The following RIMS2 variants were observed in gnomAD, a reference collection of about 807,000 sequenced individuals.
RIMS2 encodes the protein regulating synaptic membrane exocytosis protein 2.
In RIMS2, 59 loss-of-function variants were observed where a neutral mutation model predicts 174.4. The observed-to-expected ratio is 0.34, with a 90% CI of 0.27 to 0.42. The LOEUF (loss-of-function observed/expected upper bound fraction) is 0.42. Ranked by LOEUF, RIMS2 falls within the 10% of genes least tolerant of loss-of-function variation. RIMS2 has a pLI of 1.00. For missense variants in RIMS2, 1,620 were observed against 1,666.3 expected (o/e 0.97, Z 0.48); for synonymous variants, 606 against 572.5 (o/e 1.06, Z -0.84).
chr8:103,778,727 C>A (rs2098347979), intron 3 of RIMS2, among the ~76,000 whole-genome samples: 1 of 152,142 alleles, frequency 6.6e-6, no homozygotes, highest in Non-Finnish European at 1.5e-5. Flanking sequence ...GTGCAGATAT[C>A]TCTTTAATAC....
At chr8:103,908,899 A>G (rs1026117334) in intron 4 of RIMS2, among the ~76,000 whole-genome samples, 1 of 152,214 alleles carries the variant, frequency 6.6e-6, no homozygotes, top group Non-Finnish European at 1.5e-5. Context: ...CTTTAATATG[A>G]AATAGAAAGA....
chr8:103,601,254 C>T (rs2094723166), intron 1 of RIMS2, among the ~76,000 whole-genome samples: 2 of 152,206 alleles, frequency 1.3e-5, no homozygotes, highest in Non-Finnish European at 2.9e-5. Flanking sequence ...GTTGCCCATG[C>T]TTATGGTGCA....
At chr8:104,234,104 A>G (rs903596687) in intron 19 of RIMS2, among the ~76,000 whole-genome samples, 5 of 152,120 alleles carry the variant, frequency 3.3e-5, no homozygotes, top group Non-Finnish European at 7.4e-5. Flanking sequence ...TTCTTTTTCA[A>G]CACTATTTAT....
intron 16 of RIMS2, among the ~76,000 whole-genome samples, chr8:103,978,458 C>T (rs1290527529): frequency 7.4e-6 from 1 of 135,890 alleles, no homozygotes; most frequent in African/African-American, 2.5e-5. Context: ...AATATGTAAC[C>T]ACTACTACCA....
chr8:104,252,061 G>A (rs1250418127), downstream of RIMS2: 5 of 533,372 alleles, frequency 9.4e-6, no homozygotes, highest in Non-Finnish European at 1.3e-5. Flanking sequence ...TGACACTCGA[G>A]TTCTGGTCCA....
rs566685451 is a variant in RIMS2 at position 104,155,757 on chromosome 8, A to C, written c.3335-89159A>C. Among the ~76,000 whole-genome samples, 6 of 152,252 alleles carry C rather than the reference A, an allele frequency of 3.9e-5. No homozygotes were observed. In the South Asian group the frequency reaches 1.0e-3, roughly 26 times the overall value. On this transcript the variant is annotated intron_variant, in intron 19 of 23. Transcript: ENST00000504942. ...TACACTAACAATGAGAAAATAGGAA[A>C]GTGGCTTAAAAAGATTCTTGCGATG...
At chr8:103,580,765 A>T (rs2093563201) in intron 1 of RIMS2, among the ~76,000 whole-genome samples, 1 of 152,074 alleles carries the variant, frequency 6.6e-6, no homozygotes, top group African/African-American at 2.4e-5. Flanking sequence ...CATACATTTA[A>T]AGATGAACTA....
At chr8:104,098,140 A>T (rs2097794705) in intron 19 of RIMS2, among the ~76,000 whole-genome samples, 1 of 152,216 alleles carries the variant, frequency 6.6e-6, no homozygotes, top group Admixed American at 6.5e-5. Context: ...AATAGCAAAA[A>T]GTAAGTTCAA....
intron 19 of RIMS2, among the ~76,000 whole-genome samples, chr8:104,098,631 T>C (rs905067244): frequency 6.6e-6 from 1 of 152,108 alleles, no homozygotes; most frequent in Admixed American, 6.5e-5. Flanking sequence ...TAGAGACTTT[T>C]TTAAGGAAAA....
intron 19 of RIMS2, among the ~76,000 whole-genome samples, chr8:104,174,414 T>TA (rs60522020): frequency 0.79 from 119,426 of 150,914 alleles, 47,549 homozygotes; most frequent in East Asian, 1. Context: ...CACAAAGAGC[T>TA]AAAAAAAAAT....
intron 19 of RIMS2, among the ~76,000 whole-genome samples, chr8:104,046,737 A>G (rs7462110): frequency 8.5e-4 from 129 of 152,218 alleles, no homozygotes; most frequent in African/African-American, 2.9e-3. Flanking sequence ...AGTCAAAGAC[A>G]GAGATACTCA....
intron 19 of RIMS2, among the ~76,000 whole-genome samples, chr8:104,158,924 G>A (rs2121552): frequency 3.3e-5 from 5 of 151,988 alleles, no homozygotes; most frequent in South Asian, 2.1e-4. Flanking sequence ...TCTATTTTGC[G>A]TTTTGTTGCC....
intron 1 of RIMS2, among the ~76,000 whole-genome samples, chr8:103,596,958 TA>T (rs2094501458): frequency 6.6e-6 from 1 of 152,094 alleles, no homozygotes; most frequent in Non-Finnish European, 1.5e-5. Context: ...TGAATCTTAA[TA>T]TTTTTTCCAT....
At chr8:104,067,412 T>C (rs2097124894) in intron 19 of RIMS2, among the ~76,000 whole-genome samples, 1 of 152,190 alleles carries the variant, frequency 6.6e-6, no homozygotes, top group Non-Finnish European at 1.5e-5. Flanking sequence ...TGTACTTTTT[T>C]TGAGATGGGA....
intron 19 of RIMS2, among the ~76,000 whole-genome samples, chr8:104,117,214 G>T (rs1239399411): frequency 6.6e-6 from 1 of 151,866 alleles, no homozygotes; most frequent in Non-Finnish European, 1.5e-5. Context: ...TTATCACTTT[G>T]CATATATTAA....
intron 3 of RIMS2, among the ~76,000 whole-genome samples, chr8:103,812,887 G>A (rs895183624): frequency 1.3e-5 from 2 of 152,148 alleles, no homozygotes; most frequent in African/African-American, 4.8e-5. Flanking sequence ...TCTCTGGACT[G>A]TCTTTCTTAT....
At chr8:104,018,848 A>G (rs1424506640) in intron 19 of RIMS2, among the ~76,000 whole-genome samples, 2 of 152,290 alleles carry the variant, frequency 1.3e-5, no homozygotes, top group South Asian at 2.1e-4. Flanking sequence ...TCCCAGTTCA[A>G]TATTACTCTA....
rs12114882 is a variant in RIMS2 at position 104,220,689 on chromosome 8, G to A, written c.3335-24227G>A. Among the ~76,000 whole-genome samples the A allele has an allele frequency of 8.1e-3, 1,225 of 152,108 alleles. 20 individuals are homozygous for A. Among genetic ancestry groups the A allele is most frequent in the East Asian group, 0.026 (135 of 5,168 alleles). ...CACTGCTCACTACAGCCTCAACCTT[G>A]CAGGCTTAATTAAGCCTTTGTCCTA... On this transcript the variant is annotated intron_variant, in intron 19 of 23. Transcript: ENST00000504942.
Position 103,534,612 on chromosome 8 carries a change from AT to A in RIMS2, c.176+33551del, listed in dbSNP as rs1168293413. ...AAAATATATTACTAAAATGAAATAC[AT>A]AAAATCATATTACAGATCAGCATTA... On this transcript the variant is annotated intron_variant, in intron 1 of 23. Transcript: ENST00000504942. Among the ~76,000 whole-genome samples, 7 of 90,148 alleles carry A rather than the reference AT, an allele frequency of 7.8e-5. No homozygotes were observed. In the East Asian group the frequency reaches 1.5e-3, roughly 19 times the overall value. 59.1% of individuals were successfully genotyped at this position (90,148 alleles called of 152,430 possible).
Sources: gnomAD v4.1 joint callset for allele counts (sites outside exome capture counted in the v4.1 genomes callset) on GRCh38, gnomAD v4.1.1 for gene constraint, MANE v1.5 for transcripts, NCBI Gene and HGNC (gene_info 2026-07-23, HGNC 2026-07-21) for gene names.